The following LAMA3 variants were observed in gnomAD, a reference collection of about 807,000 sequenced individuals.
The protein encoded by LAMA3 is laminin subunit alpha 3, also known as laminin subunit alpha-3.
In LAMA3, 281 loss-of-function variants were observed where a neutral mutation model predicts 402.0. The ratio of observed to expected loss-of-function variants is 0.70; its 90% CI spans 0.63 to 0.77. The LOEUF is 0.77. Ranked by LOEUF, LAMA3 falls within the 30% of genes least tolerant of loss-of-function variation. LAMA3 has a pLI of 0.00. For synonymous variants in LAMA3, 1,431 were observed against 1,558.4 expected, an observed-to-expected ratio of 0.92 and a Z score of 1.93; for missense variants, 3,840 against 4,215.5, an observed-to-expected ratio of 0.91 and a Z score of 2.47.
intron 1 of LAMA3, among the ~76,000 whole-genome samples, chr18:23,694,662 G>C (rs183685486): frequency 6.6e-6 from 1 of 152,186 alleles, no homozygotes; most frequent in Non-Finnish European, 1.5e-5. Context: ...CAGAATTCAC[G>C]CTCTTACCCG....
rs572935089 is a variant in LAMA3, at chr18:23,829,999, C to G, written c.2823+2532C>G. On this transcript the variant is annotated intron_variant, in intron 23 of 74. Transcript: ENST00000313654. ...ATGTGCCTCGATCTGGCCGCTGTCT[C>G]CTATGGCACATGTTTTATTCTCTTA... Among the ~76,000 whole-genome samples the G allele has an allele frequency of 1.3e-3, 194 of 152,300 alleles. 1 individual carries two copies. The highest frequency in any genetic ancestry group is 4.5e-3 in the African/African-American group (188 of 41,570).
chr18:23,742,639 A>G (rs1383501932), intron 2 of LAMA3, among the ~76,000 whole-genome samples: 1 of 138,332 alleles, frequency 7.2e-6, no homozygotes, highest in Non-Finnish European at 1.5e-5. Context: ...CTTCCTTTCA[A>G]AGAATCAAAA....
intron 1 of LAMA3, among the ~76,000 whole-genome samples, chr18:23,703,803 C>T (rs1413748334): frequency 4.6e-5 from 7 of 152,110 alleles, no homozygotes; most frequent in African/African-American, 9.7e-5. Context: ...GTGTGGGAGT[C>T]GCAGAGCTGG....
Position 23,813,097 on chromosome 18 carries a change from C to T in LAMA3, c.1782C>T (p.Ser594=). 6.2e-7 allele frequency: 1 copy of T among 1,604,296 alleles called. No homozygotes were observed. ...GTGACCCAGCTGGTACCATCAACTC[C>T]AATTTGGTAAGTAGACTATAAAAGG... ...SACDPAGTIN[S]NLGYCQCKLH... Residue 594 remains serine (S), a synonymous_variant, in exon 14 of 75, where the codon TCC becomes TCT. Transcript: ENST00000313654.
intron 50 of LAMA3, 23 bp downstream of exon 50, chr18:23,904,110 C>G: frequency 6.2e-7 from 1 of 1,612,528 alleles, no homozygotes; most frequent in South Asian, 1.1e-5. Context: ...CCCAGGAGAC[C>G]AGAAGGGCAC....
At position 23,928,697 on chromosome 18, in the gene LAMA3, C is replaced by T; in HGVS notation, c.8368C>T (p.His2790Tyr). The T allele has an allele frequency of 6.2e-7, 1 of 1,613,604 alleles. No individual in the cohort carries two copies. Among genetic ancestry groups the T allele is most frequent in the Non-Finnish European group, 8.5e-7 (1 of 1,179,526 alleles). Residue 2790 changes from histidine to tyrosine, a missense_variant, in exon 64 of 75, where the codon CAC becomes TAC. His to Tyr is a moderately conservative substitution (Grantham distance 83, BLOSUM62 2). Coordinates refer to ENST00000313654, the MANE Select transcript of LAMA3 (RefSeq NM_198129.4). ...FTDLGLPPTD[H>Y]LQASFGFQTF... ...TGATTTGGGCTTACCACCTACTGAC[C>T]ACCTCCAGGCCTCATTTGGATTTCA...
At chr18:23,872,936 A>T (rs1398939486) in intron 38 of LAMA3, 2 of 1,425,060 alleles carry the variant, frequency 1.4e-6, no homozygotes, top group Admixed American at 1.8e-5. Flanking sequence ...CCTGCCGCAG[A>T]CAGCCTTCCT....
rs1028487400 is a variant in LAMA3 at position 23,842,440 on chromosome 18, G to A, written c.3382G>A (p.Val1128Ile). 18 of 1,613,928 alleles carry A rather than the reference G, an allele frequency of 1.1e-5. No homozygotes were observed. The highest frequency in any genetic ancestry group is 1.1e-4 in the South Asian group (10 of 91,070). The change falls in exon 28 of 75, where the codon GTC becomes ATC. Residue 1128 changes from valine to isoleucine, a missense_variant. Transcript: ENST00000313654. ...ACGTGTACCACACCTGGGCCGATAC[G>A]TCTTTGTCATCCATTTTTACCAAGC... ...RGRVPHLGRY[V>I]FVIHFYQAAH...
At chr18:23,898,183 G>A (rs1216518958) in intron 44 of LAMA3, 3 of 155,160 alleles carry the variant, frequency 1.9e-5, no homozygotes, top group South Asian at 2.0e-4. Context: ...CAAGGGACCC[G>A]GATTATGGTC....
chr18:23,706,803 G>T (rs2060897956), intron 1 of LAMA3, among the ~76,000 whole-genome samples: 1 of 152,184 alleles, frequency 6.6e-6, no homozygotes, highest in South Asian at 2.1e-4. Context: ...TTTTGGCCAG[G>T]TGCGGTGGCT....
Position 23,772,320 on chromosome 18 carries a change from G to A in LAMA3, c.1183-1177G>A, listed in dbSNP as rs181419786. 2.4e-4 allele frequency among the ~76,000 whole-genome samples: 36 copies of A among 152,294 alleles called. No individual in the cohort carries two copies. In the East Asian group the frequency reaches 5.6e-3, roughly 24 times the overall value. On this transcript the variant is annotated intron_variant, in intron 8 of 74. Coordinates refer to ENST00000313654, the MANE Select transcript of LAMA3 (RefSeq NM_198129.4). The stretch of plus-strand genomic sequence containing the variant: ...CTCCCAGACTGCTGGGATTACAGGC[G>A]TGAGCCACTGCACCTGGGCTGATCT...
chr18:23,950,247 A>G, intron 72 of LAMA3, 88 bp downstream of exon 72: 1 of 1,445,506 alleles, frequency 6.9e-7, no homozygotes, highest in Admixed American at 1.7e-5. Flanking sequence ...TGTAGTAGAG[A>G]ATGGGATCCA....
intron 7 of LAMA3, among the ~76,000 whole-genome samples, chr18:23,759,182 GA>G (rs1201938493): frequency 6.6e-6 from 1 of 151,694 alleles, no homozygotes; most frequent in Non-Finnish European, 1.5e-5. Flanking sequence ...ACAAAAAATT[GA>G]AAAATTAGCC....
chr18:23,694,378 T>C (rs1206945992), intron 1 of LAMA3, among the ~76,000 whole-genome samples: 1 of 152,164 alleles, frequency 6.6e-6, no homozygotes, highest in Non-Finnish European at 1.5e-5. Flanking sequence ...GAAGGAGGAA[T>C]GGCCTAGTAA....
At chr18:23,836,295 T>C (rs1159260209) in intron 24 of LAMA3, among the ~76,000 whole-genome samples, 1 of 152,248 alleles carries the variant, frequency 6.6e-6, no homozygotes, top group Non-Finnish European at 1.5e-5. Flanking sequence ...GAAATAGTCC[T>C]TTTGTTTTAA....
chr18:23,926,540 T>A (rs1423651400), intron 62 of LAMA3, among the ~76,000 whole-genome samples: 1 of 152,254 alleles, frequency 6.6e-6, no homozygotes, highest in Non-Finnish European at 1.5e-5. Context: ...TTTAATGAAA[T>A]TTAATTTTAG....
rs146877018 is a variant in LAMA3, at chr18:23,741,130, G to A, written c.448-6813G>A. On this transcript the variant is annotated intron_variant, in intron 2 of 74. Transcript: ENST00000313654. ...CACCACGCCTGGCTAATTTTTTTTT[G>A]TATTTTTTTTAGTAGAGACGGGGTT... Among the ~76,000 whole-genome samples the A allele has an allele frequency of 9.3e-3, 1,411 of 151,634 alleles. 18 individuals carry two copies. The highest frequency in any genetic ancestry group is 0.016 in the Non-Finnish European group (1,115 of 67,848).
rs1405429222 is a variant in LAMA3 at position 23,954,759 on chromosome 18, T to C, written c.*111T>C. ...TCACTCAGGACACAAACCAGACAGG[T>C]TTAATAGCGAATCTAATTTTGAATT... On this transcript the variant is annotated 3_prime_UTR_variant, in exon 75 of 75. Transcript: ENST00000313654. The C allele has an allele frequency of 8.6e-7, 1 of 1,158,862 alleles. No homozygotes were observed. The highest frequency in any genetic ancestry group is 1.5e-5 in the African/African-American group (1 of 66,086). The allele number at this position is 1,158,862 out of a possible 1,614,324, so 71.8% of individuals were successfully genotyped here.
intron 34 of LAMA3, among the ~76,000 whole-genome samples, chr18:23,861,098 A>C (rs996623401): frequency 6.6e-6 from 1 of 152,170 alleles, no homozygotes; most frequent in Admixed American, 6.5e-5. Context: ...AATACTTTGT[A>C]AATCTGCTCT....
Sources: allele counts gnomAD v4.1 joint callset (sites outside exome capture counted in the v4.1 genomes callset), GRCh38; gene constraint gnomAD v4.1.1; transcripts MANE v1.5; gene names NCBI Gene and HGNC (gene_info 2026-07-23, HGNC 2026-07-21).